KTI12: variants seen among roughly 807,000 people sequenced by gnomAD.
KTI12 encodes the protein KTI12 chromatin associated homolog.
A neutral mutation model predicts 8.8 loss-of-function variants in KTI12; 8 were observed. That is an observed-to-expected ratio of 0.91 (90% CI 0.53 to 1.64). The LOEUF (loss-of-function observed/expected upper bound fraction) is 1.64, where lower values mean the gene tolerates loss of function less well. KTI12 is among the 40% of genes most tolerant of loss of function. The pLI is 0.00. For missense variants in KTI12, 490 were observed against 492.1 expected (o/e 1.00, Z 0.04); for synonymous variants, 216 against 220.1 (o/e 0.98, Z 0.17).
In KTI12 at chr1:52,032,431, C is replaced by G; in HGVS notation, c.*266G>C. 8.2e-7 allele frequency: 1 copy of G among 1,218,994 alleles called. No individual in the cohort carries two copies. Among genetic ancestry groups the G allele is most frequent in the East Asian group, 3.6e-5 (1 of 28,034 alleles). The allele number at this position is 1,218,994 out of a possible 1,614,324, so 75.5% of individuals were successfully genotyped here. ...TGTGATAGCCCAAGTAGGATCCAAT[C>G]TAGGTAATCCCTGTCCACCTTAGCT... is the stretch of plus-strand genomic sequence containing the variant. On this transcript the variant is annotated 3_prime_UTR_variant, in exon 1 of 1. Transcript: ENST00000371614.
rs1685789249 is a variant in KTI12 at position 52,032,748 on chromosome 1, C to T, written c.1014G>A (p.Leu338=). The part of the protein sequence containing the change: ...YTKMHPNNEN[L]PQLANMFLQY... ...GAAGAAACATGTTGGCCAGTTGCGG[C>T]AAGTTCTCATTGTTGGGATGCATTT... The change falls in exon 1 of 1, where the codon TTG becomes TTA. Residue 338 remains leucine (L), a synonymous_variant. Transcript: ENST00000371614. 6.2e-7 allele frequency: 1 copy of T among 1,613,756 alleles called. No individual in the cohort carries two copies. The highest frequency in any genetic ancestry group is 1.3e-5 in the African/African-American group (1 of 74,926).
Position 52,033,645 on chromosome 1 carries a change from A to G in KTI12, c.117T>C (p.Ala39=). Residue 39 remains alanine, a synonymous_variant, in exon 1 of 1, where the codon GCT becomes GCC. Coordinates refer to ENST00000371614, the MANE Select transcript of KTI12 (RefSeq NM_138417.3). Reference sequence around the variant, plus strand: ...CCGCTGGGTCCTCTGCGCCCAGGACAGCTGCGTCGTCCACCACGTACACCG... The same window carrying G: ...CCGCTGGGTCCTCTGCGCCCAGGACGGCTGCGTCGTCCACCACGTACACCG... ...GRAVYVVDDA[A]VLGAEDPAVY... is the part of the protein sequence containing the mutation. The G allele has an allele frequency of 2.5e-6, 4 of 1,611,598 alleles. No individual in the cohort carries two copies. Among genetic ancestry groups the G allele is most frequent in the Non-Finnish European group, 3.4e-6 (4 of 1,179,878 alleles).
At position 52,033,440 on chromosome 1, in the gene KTI12, C is replaced by G. The variant is rs575201862; in HGVS notation, c.322G>C (p.Val108Leu). The G allele has an allele frequency of 6.2e-6, 10 of 1,612,598 alleles. No individual in the cohort carries two copies. The highest frequency in any genetic ancestry group is 1.7e-5 in the Admixed American group (1 of 59,952). The change falls in exon 1 of 1, where the codon GTA (valine) becomes CTA (leucine). Residue 108 changes from valine to leucine, a missense_variant. Coordinates refer to ENST00000371614, the MANE Select transcript of KTI12 (RefSeq NM_138417.3). ...CCCGCGATCGGGCCGCCGGGCCGTA[C>G]GCAGTAGACCAGGCAGAGCGGGGTG... Reference protein sequence around the residue: ...ARTPLCLVYCVRPGGPIAGPQ... With the variant: ...ARTPLCLVYCLRPGGPIAGPQ...
Position 52,033,424 on chromosome 1 carries a change from G to T in KTI12, c.338C>A (p.Pro113Gln). The T allele has an allele frequency of 1.4e-6, 2 of 1,451,340 alleles. No homozygotes were observed. The highest frequency in any genetic ancestry group is 2.2e-5 in the East Asian group (1 of 44,822). 89.9% of individuals were successfully genotyped at this position (1,451,340 alleles called of 1,614,324 possible). ...CLVYCVRPGG[P>Q]IAGPQVAGAN... Reference sequence around the variant, plus strand: ...GCCCGCCACCTGAGGTCCCGCGATCGGGCCGCCGGGCCGTACGCAGTAGAC... The same window carrying T: ...GCCCGCCACCTGAGGTCCCGCGATCTGGCCGCCGGGCCGTACGCAGTAGAC... The change falls in exon 1 of 1, where the codon CCG becomes CAG. Residue 113 changes from proline (P) to glutamine (Q), a missense_variant. Coordinates refer to ENST00000371614, the MANE Select transcript of KTI12 (RefSeq NM_138417.3).
Position 52,033,719 on chromosome 1 carries a change from T to C in KTI12, c.43A>G (p.Ser15Gly), listed in dbSNP as rs2124371983. Residue 15 changes from serine to glycine, a missense_variant, in exon 1 of 1, where the codon AGC becomes GGC. Physicochemically the swap from Ser to Gly is moderately conservative, Grantham distance 56 (BLOSUM62 0). Transcript: ENST00000371614. The stretch of plus-strand genomic sequence containing the variant: ...ACGCGCAACTCTTCAGCACGCCGGC[T>C]CTTGCCGCTGTACGGCAGCCCGCAA... The part of the protein sequence containing the change: ...VFCGLPYSGK[S>G]RRAEELRVAL... 2 of 1,610,404 alleles carry C rather than the reference T, an allele frequency of 1.2e-6. No individual in the cohort carries two copies. Among genetic ancestry groups the C allele is most frequent in the Non-Finnish European group, 1.7e-6 (2 of 1,178,894 alleles).
At position 52,033,105 on chromosome 1, in the gene KTI12, G is replaced by T; in HGVS notation, c.657C>A (p.Pro219=). Residue 219 remains proline (P), a synonymous_variant, in exon 1 of 1, where the codon CCC becomes CCA. Coordinates refer to ENST00000371614, the MANE Select transcript of KTI12 (RefSeq NM_138417.3). ...LEALTLRFEA[P]DSRNRWDRPL... ...GCCGGTCCCAGCGATTCCGAGAATCGGGAGCCTCAAAGCGCAGCGTTAGGG... is the reference window on the plus strand; with the variant it reads ...GCCGGTCCCAGCGATTCCGAGAATCTGGAGCCTCAAAGCGCAGCGTTAGGG... 1 of 1,611,660 alleles carries T rather than the reference G, an allele frequency of 6.2e-7. No homozygotes were observed. The highest frequency in any genetic ancestry group is 8.5e-7 in the Non-Finnish European group (1 of 1,179,372).
chr1:52,032,635 T>G lies in KTI12; in HGVS notation c.*62A>C. The G allele has an allele frequency of 6.5e-6, 10 of 1,531,676 alleles. No individual in the cohort carries two copies. The highest frequency in any genetic ancestry group is 8.7e-6 in the Non-Finnish European group (10 of 1,143,086). The allele number at this position is 1,531,676 out of a possible 1,614,324, so 94.9% of individuals were successfully genotyped here. ...TGCTCTGGAGACCTGCAGCCTATTT[T>G]TCCCAGAGAAATAAAGTGGAGTGGA... On this transcript the variant is annotated 3_prime_UTR_variant, in exon 1 of 1. Coordinates refer to ENST00000371614, the MANE Select transcript of KTI12 (RefSeq NM_138417.3).
In KTI12 at chr1:52,033,703, T is replaced by C; in HGVS notation, c.59A>G (p.Glu20Gly). The change falls in exon 1 of 1, where the codon GAG becomes GGG. Residue 20 changes from glutamate to glycine, a missense_variant. Transcript: ENST00000371614. ...PYSGKSRRAE[E>G]LRVALAAEGR... ...CTCGGCAGCCAGCGCCACGCGCAAC[T>C]CTTCAGCACGCCGGCTCTTGCCGCT... 6.2e-7 allele frequency: 1 copy of C among 1,611,024 alleles called. No homozygotes were observed. The highest frequency in any genetic ancestry group is 8.5e-7 in the Non-Finnish European group (1 of 1,179,424).
At position 52,032,575 on chromosome 1, in the gene KTI12, A is replaced by T. The variant is rs1685782848; in HGVS notation, c.*122T>A. On this transcript the variant is annotated 3_prime_UTR_variant, in exon 1 of 1. Coordinates refer to ENST00000371614, the MANE Select transcript of KTI12 (RefSeq NM_138417.3). ...GTATGCAGGAAAGTTTGAGTGAATC[A>T]GTCACAACAGCTCTAGTACAGTACT... 2.1e-6 allele frequency: 3 copies of T among 1,429,330 alleles called. No homozygotes were observed. The highest frequency in any genetic ancestry group is 1.4e-5 in the African/African-American group (1 of 69,932). 88.5% of individuals were successfully genotyped at this position (1,429,330 alleles called of 1,614,324 possible).
At position 52,032,394 on chromosome 1, in the gene KTI12, T is replaced by C. The variant is rs1685778310; in HGVS notation, c.*303A>G. ...CCACGCCTCAGATGAGGGAAGCCAA[T>C]GGTCAATGCTCTGTGATAGCCCAAG... On this transcript the variant is annotated 3_prime_UTR_variant, in exon 1 of 1. Coordinates refer to ENST00000371614, the MANE Select transcript of KTI12 (RefSeq NM_138417.3). 8.8e-7 allele frequency: 1 copy of C among 1,132,734 alleles called. No individual in the cohort carries two copies. The highest frequency in any genetic ancestry group is 3.9e-5 in the South Asian group (1 of 25,724). The allele number at this position is 1,132,734 out of a possible 1,614,324, so 70.2% of individuals were successfully genotyped here.
In KTI12 at chr1:52,032,893, T is replaced by G; in HGVS notation, c.869A>C (p.Lys290Thr). 1.2e-6 allele frequency: 2 copies of G among 1,613,246 alleles called. No individual in the cohort carries two copies. Among genetic ancestry groups the G allele is most frequent in the Admixed American group, 3.3e-5 (2 of 59,744 alleles). The change falls in exon 1 of 1, where the codon AAG becomes ACG. Residue 290 changes from lysine (K) to threonine (T), a missense_variant. By Grantham distance (78) the Lys-to-Thr change is moderately conservative (BLOSUM62 -1). Coordinates refer to ENST00000371614, the MANE Select transcript of KTI12 (RefSeq NM_138417.3). ...QVLAGLMEAQ[K>T]SAVPGDLLTL... Reference sequence around the variant, plus strand: ...GAGCAAGTCCCCGGGGACAGCGCTCTTCTGCGCTTCCATCAATCCGGCCAG... The same window carrying G: ...GAGCAAGTCCCCGGGGACAGCGCTCGTCTGCGCTTCCATCAATCCGGCCAG...
rs768382155 is a variant in KTI12, at chr1:52,032,731, A to G, written c.1031T>C (p.Met344Thr). 9 of 1,612,934 alleles carry G rather than the reference A, an allele frequency of 5.6e-6. No individual in the cohort carries two copies. In the Admixed American group the frequency reaches 1.3e-4, roughly 24 times the overall value. Residue 344 changes from methionine to threonine, a missense_variant, in exon 1 of 1, where the codon ATG (methionine) becomes ACG (threonine). Transcript: ENST00000371614. ...NNENLPQLAN[M>T]FLQYLSQSLH Reference sequence around the variant, plus strand: ...GCTCTGGCTCAAATACTGAAGAAACATGTTGGCCAGTTGCGGCAAGTTCTC... The same window carrying G: ...GCTCTGGCTCAAATACTGAAGAAACGTGTTGGCCAGTTGCGGCAAGTTCTC...
Position 52,033,699 on chromosome 1 carries a change from C to G in KTI12, c.63G>C (p.Leu21Phe), listed in dbSNP as rs778048913. The G allele has an allele frequency of 1.2e-6, 2 of 1,611,142 alleles. No homozygotes were observed. Among genetic ancestry groups the G allele is most frequent in the Admixed American group, 1.7e-5 (1 of 59,930 alleles). Reference sequence around the variant, plus strand: ...GGCCCTCGGCAGCCAGCGCCACGCGCAACTCTTCAGCACGCCGGCTCTTGC... The same window carrying G: ...GGCCCTCGGCAGCCAGCGCCACGCGGAACTCTTCAGCACGCCGGCTCTTGC... The part of the protein sequence containing the change: ...YSGKSRRAEE[L>F]RVALAAEGRA... The change falls in exon 1 of 1, where the codon TTG (leucine) becomes TTC (phenylalanine). Residue 21 changes from leucine (L) to phenylalanine (F), a missense_variant. By Grantham distance (22) the Leu-to-Phe change is conservative. Coordinates refer to ENST00000371614, the MANE Select transcript of KTI12 (RefSeq NM_138417.3).
At position 52,033,021 on chromosome 1, in the gene KTI12, G is replaced by T. The variant is rs748497468; in HGVS notation, c.741C>A (p.Ala247=). The change falls in exon 1 of 1, where the codon GCC becomes GCA. Residue 247 remains alanine (A), a synonymous_variant. Transcript: ENST00000371614. The part of the protein sequence containing the change: ...EPLPLAGIRS[A]LFENRAPPPH... ...GTGGTGGGGCCCGGTTCTCAAACAG[G>T]GCAGAGCGGATCCCCGCCAGGGGCA... is the stretch of plus-strand genomic sequence containing the variant. 2 of 1,572,538 alleles carry T rather than the reference G, an allele frequency of 1.3e-6. No individual in the cohort carries two copies. The highest frequency in any genetic ancestry group is 1.2e-5 in the South Asian group (1 of 82,968).
chr1:52,033,309 G>A lies in KTI12; in HGVS notation c.453C>T (p.Val151=), dbSNP rs1685810379. ...AGTCCGCAGTATGCAGTTCCCTGAG[G>A]ACGCTGCTGCCCGCCGCCTGGGCTC... ...DGRAQAAGSS[V]LRELHTADSV... The change falls in exon 1 of 1, where the codon GTC becomes GTT. Residue 151 remains valine (V), a synonymous_variant. Transcript: ENST00000371614. The A allele has an allele frequency of 6.2e-7, 1 of 1,613,772 alleles. No individual in the cohort carries two copies. The highest frequency in any genetic ancestry group is 1.1e-5 in the South Asian group (1 of 91,060).
chr1:52,033,043 G>C lies in KTI12; in HGVS notation c.719C>G (p.Pro240Arg). The C allele has an allele frequency of 6.3e-7, 1 of 1,579,764 alleles. No individual in the cohort carries two copies. Among genetic ancestry groups the C allele is most frequent in the Non-Finnish European group, 8.6e-7 (1 of 1,165,986 alleles). ...CAGGGCAGAGCGGATCCCCGCCAGG[G>C]GCAACGGCTCCTCTAGGCCCACCAA... ...FTLVGLEEPL[P>R]LAGIRSALFE... Residue 240 changes from proline to arginine, a missense_variant, in exon 1 of 1, where the codon CCC becomes CGC. Physicochemically the swap from Pro to Arg is moderately radical, Grantham distance 103. Coordinates refer to ENST00000371614, the MANE Select transcript of KTI12 (RefSeq NM_138417.3).
In KTI12 at chr1:52,033,359, G is replaced by A; in HGVS notation, c.403C>T (p.Arg135Trp). ...NPGRNVSVSW[R>W]PRAEEDGRAQ... is the part of the protein sequence containing the mutation. ...CTCCCGTCCTCCTCAGCGCGTGGCC[G>A]CCAACTCACACTGACGTTCCGGCCA... The change falls in exon 1 of 1, where the codon CGG becomes TGG. Residue 135 changes from arginine (R) to tryptophan (W), a missense_variant. Physicochemically the swap from Arg to Trp is moderately radical, Grantham distance 101. Transcript: ENST00000371614. The A allele has an allele frequency of 6.2e-7, 1 of 1,613,656 alleles. No individual in the cohort carries two copies.
rs1685783877 is a variant in KTI12 at position 52,032,610 on chromosome 1, T to A, written c.*87A>T. 1 of 1,510,886 alleles carries A rather than the reference T, an allele frequency of 6.6e-7. No individual in the cohort carries two copies. The highest frequency in any genetic ancestry group is 8.8e-7 in the Non-Finnish European group (1 of 1,133,916). 93.6% of individuals were successfully genotyped at this position (1,510,886 alleles called of 1,614,324 possible). A position where few individuals can be genotyped will look rare whatever the true frequency, so the allele number is the denominator to read the frequency against. On this transcript the variant is annotated 3_prime_UTR_variant, in exon 1 of 1. Coordinates refer to ENST00000371614, the MANE Select transcript of KTI12 (RefSeq NM_138417.3). ...GCTCTAGTACAGTACTGCATCGATATGCTCTGGAGACCTGCAGCCTATTTT... is the reference window on the plus strand; with the variant it reads ...GCTCTAGTACAGTACTGCATCGATAAGCTCTGGAGACCTGCAGCCTATTTT...
Position 52,032,398 on chromosome 1 carries a change from C to T in KTI12, c.*299G>A. 1.7e-6 allele frequency: 2 copies of T among 1,145,350 alleles called. No individual in the cohort carries two copies. The highest frequency in any genetic ancestry group is 2.1e-6 in the Non-Finnish European group (2 of 931,198). The allele number at this position is 1,145,350 out of a possible 1,614,324, so 70.9% of individuals were successfully genotyped here. On this transcript the variant is annotated 3_prime_UTR_variant, in exon 1 of 1. Coordinates refer to ENST00000371614, the MANE Select transcript of KTI12 (RefSeq NM_138417.3). ...GCCTCAGATGAGGGAAGCCAATGGT[C>T]AATGCTCTGTGATAGCCCAAGTAGG...
Sources: gnomAD v4.1 joint callset for allele counts on GRCh38, gnomAD v4.1.1 for gene constraint, MANE v1.5 for transcripts, NCBI Gene and HGNC (gene_info 2026-07-23, HGNC 2026-07-21) for gene names.